Variants in KCNN3 observed in about 807,000 individuals in gnomAD.
KCNN3 encodes the protein small conductance calcium-activated potassium channel protein 3.
A neutral mutation model predicts 62.9 loss-of-function variants in KCNN3; 16 were observed. The observed-to-expected ratio is 0.25, with a 90% confidence interval of 0.17 to 0.39. The LOEUF (loss-of-function observed/expected upper bound fraction) is 0.39. Among genes scored for constraint, KCNN3 ranks in the 10% least tolerant of loss-of-function variants. The pLI is 1.00. For missense variants in KCNN3, 599 were observed against 949.4 expected, an observed-to-expected ratio of 0.63 and a Z score of 4.85; for synonymous variants, 370 against 389.2, an observed-to-expected ratio of 0.95 and a Z score of 0.58.
chr1:154,746,172 G>A (rs1429667004), intron 3 of KCNN3, among the ~76,000 whole-genome samples: 2 of 152,202 alleles, frequency 1.3e-5, no homozygotes, highest in Non-Finnish European at 2.9e-5. Flanking sequence ...CTGGCTTGGT[G>A]CCTACTTGGG....
chr1:154,733,017 G>A lies in KCNN3; in HGVS notation c.1576C>T (p.Leu526Phe), dbSNP rs1700631418. 1.2e-6 allele frequency: 2 copies of A among 1,613,994 alleles called. No homozygotes were observed. The highest frequency in any genetic ancestry group is 1.3e-5 in the African/African-American group (1 of 74,912). Residue 526 changes from leucine (L) to phenylalanine (F), a missense_variant, in exon 4 of 8, where the codon CTC (leucine) becomes TTC (phenylalanine). Coordinates refer to ENST00000271915, the MANE Select transcript of KCNN3 (RefSeq NM_002249.6). ...HTYCGKGVCLLTGIMGAGCTA... is the reference protein window; with the variant it reads ...HTYCGKGVCLFTGIMGAGCTA... Reference sequence around the variant, plus strand: ...CGGGTACTCACCATGATGCCAGTGAGGAGACAGACACCTTTCCCACAGTAT... The same window carrying A: ...CGGGTACTCACCATGATGCCAGTGAAGAGACAGACACCTTTCCCACAGTAT...
intron 5 of KCNN3, among the ~76,000 whole-genome samples, chr1:154,719,274 C>T (rs954382321): frequency 8.5e-5 from 13 of 152,080 alleles, no homozygotes; most frequent in East Asian, 3.8e-4. Flanking sequence ...AGGTTGGAGA[C>T]GGGGAAAGGG....
chr1:154,742,959 GTTC>G (rs1337977095), intron 3 of KCNN3, among the ~76,000 whole-genome samples: 4 of 152,216 alleles, frequency 2.6e-5, no homozygotes, highest in Non-Finnish European at 5.9e-5. Context: ...AATCTTCGCT[GTTC>G]TTCTGGGTGG....
In KCNN3 at chr1:154,771,737, G is replaced by T. The variant is rs190524380; in HGVS notation, c.1448+238C>A. Among the ~76,000 whole-genome samples the T allele has an allele frequency of 8.5e-5, 13 of 152,302 alleles. No individual in the cohort carries two copies. The East Asian group carries it at 2.3e-3, about 27-fold the overall frequency. Reference sequence around the variant, plus strand: ...TTTGATATATTGGTTTGCAAAGAAGGAACAGAAAATCAGGAAAATTCTGTG... The same window carrying T: ...TTTGATATATTGGTTTGCAAAGAAGTAACAGAAAATCAGGAAAATTCTGTG... On this transcript the variant is annotated intron_variant, in intron 3 of 7. Transcript: ENST00000271915.
chr1:154,748,580 G>C (rs540250881), intron 3 of KCNN3, among the ~76,000 whole-genome samples: 1 of 152,150 alleles, frequency 6.6e-6, no homozygotes, highest in Non-Finnish European at 1.5e-5. Flanking sequence ...TGCCAATCAC[G>C]TGCCATGTGG....
At chr1:154,804,355 C>T (rs976369113) in intron 2 of KCNN3, among the ~76,000 whole-genome samples, 2 of 152,256 alleles carry the variant, frequency 1.3e-5, no homozygotes, top group African/African-American at 2.4e-5. Flanking sequence ...CAGGACAAAA[C>T]GCACTAAGAG....
At chr1:154,861,963 G>A (rs371193615) in intron 1 of KCNN3, among the ~76,000 whole-genome samples, 18 of 152,186 alleles carry the variant, frequency 1.2e-4, no homozygotes, top group African/African-American at 2.4e-4. Context: ...AAGCAGAGAC[G>A]GGCCTTTTCT....
chr1:154,842,884 C>T (rs944452934), intron 1 of KCNN3, among the ~76,000 whole-genome samples: 2 of 152,160 alleles, frequency 1.3e-5, no homozygotes, highest in Non-Finnish European at 2.9e-5. Context: ...CTTAGAGCCC[C>T]ACTTTGCCAC....
At chr1:154,799,005 C>T (rs191155322) in intron 2 of KCNN3, among the ~76,000 whole-genome samples, 40 of 151,552 alleles carry the variant, frequency 2.6e-4, no homozygotes, top group Middle Eastern at 3.4e-3. Context: ...CAACCTCTGC[C>T]TCTTGGGTTC....
chr1:154,839,766 GCC>G (rs1651751413), intron 1 of KCNN3, among the ~76,000 whole-genome samples: 1 of 380 alleles, frequency 2.6e-3, no homozygotes, highest in Non-Finnish European at 0.012. Context: ...GGGGGCCCTG[GCC>G]ACTGGCCACT....
At position 154,867,441 on chromosome 1, in the gene KCNN3, T is replaced by G. The variant is rs918074718; in HGVS notation, c.933+1591A>C. Among the ~76,000 whole-genome samples, 4 of 152,182 alleles carry G rather than the reference T, an allele frequency of 2.6e-5. No homozygotes were observed. The South Asian group carries it at 8.3e-4, about 32-fold the overall frequency. Reference sequence around the variant, plus strand: ...CCCACTGAGAGAGCAGCCGGGTTGCTGGAGGACCCTCTGCCTGGAAGTCTT... The same window carrying G: ...CCCACTGAGAGAGCAGCCGGGTTGCGGGAGGACCCTCTGCCTGGAAGTCTT... On this transcript the variant is annotated intron_variant, in intron 1 of 7. Transcript: ENST00000271915.
chr1:154,808,516 CGT>C (rs1419655723), intron 2 of KCNN3, among the ~76,000 whole-genome samples: 3 of 152,170 alleles, frequency 2.0e-5, no homozygotes, highest in Non-Finnish European at 4.4e-5. Context: ...GCAGCCAAGG[CGT>C]GTGTGTCTGC....
chr1:154,721,604 T>C (rs1027175772), intron 5 of KCNN3, among the ~76,000 whole-genome samples: 2 of 152,048 alleles, frequency 1.3e-5, no homozygotes, highest in African/African-American at 2.4e-5. Context: ...CCCGGCCCAC[T>C]CTACCTCTTA....
intron 3 of KCNN3, among the ~76,000 whole-genome samples, chr1:154,748,383 T>G (rs1173782560): frequency 1.3e-5 from 2 of 152,200 alleles, no homozygotes; most frequent in African/African-American, 4.8e-5. Flanking sequence ...GCTTCACAGT[T>G]CATCGTTTTT....
chr1:154,847,014 T>G (rs1033359238), intron 1 of KCNN3, among the ~76,000 whole-genome samples: 1 of 152,030 alleles, frequency 6.6e-6, no homozygotes, highest in Non-Finnish European at 1.5e-5. Context: ...AGCCAGGAGT[T>G]GAGCCGGCTC....
At position 154,760,858 on chromosome 1, in the gene KCNN3, G is replaced by GAAGAAGCACTCCGGCCCCGCA. The variant is rs1405514622; in HGVS notation, c.1448+11096_1448+11116dup. 1.3e-3 allele frequency among the ~76,000 whole-genome samples: 198 copies of GAAGAAGCACTCCGGCCCCGCA among 152,356 alleles called. 2 individuals carry two copies. The highest frequency in any genetic ancestry group is 4.4e-3 in the African/African-American group (185 of 41,592). ...GGCTCCAAGGGAGGCGCGCGCCCGCGAAGAAGCACTCCGGCCCCGCAAAGG... is the reference window on the plus strand; with the variant it reads ...GGCTCCAAGGGAGGCGCGCGCCCGCGAAGAAGCACTCCGGCCCCGCAAAGAAGCACTCCGGCCCCGCAAAGG... On this transcript the variant is annotated intron_variant, in intron 3 of 7. Coordinates refer to ENST00000271915, the MANE Select transcript of KCNN3 (RefSeq NM_002249.6).
At position 154,700,434 on chromosome 1, in the gene KCNN3, T is replaced by C. The variant is rs777344569; in HGVS notation, c.*7542A>G. On this transcript the variant is annotated 3_prime_UTR_variant, in exon 8 of 8. Transcript: ENST00000271915. Reference sequence around the variant, plus strand: ...TTTGTTTCCTTGATTCTAGATGGAATACAACTTTGAGGGGAAAGGTCAGAA... The same window carrying C: ...TTTGTTTCCTTGATTCTAGATGGAACACAACTTTGAGGGGAAAGGTCAGAA... The C allele has an allele frequency of 2.0e-5, 3 of 152,206 alleles. No individual in the cohort carries two copies. Among genetic ancestry groups the C allele is most frequent in the Non-Finnish European group, 4.4e-5 (3 of 68,036 alleles). The allele number at this position is 152,206 out of a possible 1,614,324, so 9.4% of individuals were successfully genotyped here.
At chr1:154,787,331 A>C (rs1240479697) in intron 2 of KCNN3, among the ~76,000 whole-genome samples, 4 of 151,112 alleles carry the variant, frequency 2.6e-5, no homozygotes, top group African/African-American at 9.8e-5. Context: ...GGGAGGGACC[A>C]GGGCCAGGGC....
At chr1:154,724,058 A>G (rs1700411471) in intron 5 of KCNN3, among the ~76,000 whole-genome samples, 1 of 152,196 alleles carries the variant, frequency 6.6e-6, no homozygotes, top group East Asian at 1.9e-4. Context: ...TCAAGTACAA[A>G]CACTTGAATG....
Sources: gnomAD v4.1 joint callset for allele counts (sites outside exome capture counted in the v4.1 genomes callset) on GRCh38, gnomAD v4.1.1 for gene constraint, MANE v1.5 for transcripts, NCBI Gene and HGNC (gene_info 2026-07-23, HGNC 2026-07-21) for gene names.